BPI: variants seen among roughly 807,000 people sequenced by gnomAD.
The protein encoded by BPI is bactericidal permeability increasing protein.
A neutral mutation model predicts 57.6 loss-of-function variants in BPI; 48 were observed. The ratio of observed to expected loss-of-function variants is 0.83; its 90% CI spans 0.66 to 1.06. The LOEUF (loss-of-function observed/expected upper bound fraction) is 1.06. BPI is among the 50% of genes least tolerant of loss of function. The probability of loss-of-function intolerance (pLI) is 0.00; values close to 1 mark genes in which losing one functional copy is unlikely to be tolerated. For synonymous variants in BPI, 237 were observed against 238.2 expected, an observed-to-expected ratio of 0.99 and a Z score of 0.05; for missense variants, 651 against 609.7, an observed-to-expected ratio of 1.07 and a Z score of -0.71.
chr20:38,320,227 G>C lies in BPI; in HGVS notation c.709G>C (p.Val237Leu). 1 of 1,614,056 alleles carries C rather than the reference G, an allele frequency of 6.2e-7. No homozygotes were observed. The highest frequency in any genetic ancestry group is 8.5e-7 in the Non-Finnish European group (1 of 1,180,002). Residue 237 changes from valine to leucine, a missense_variant, in exon 7 of 15, where the codon GTG (valine) becomes CTG (leucine). Physicochemically the swap from Val to Leu is conservative, Grantham distance 32 (BLOSUM62 1). Coordinates refer to ENST00000642449, the MANE Select transcript of BPI (RefSeq NM_001725.3). The part of the protein sequence containing the change: ...DSVAGINYGL[V>L]APPATTAETL... The stretch of plus-strand genomic sequence containing the variant: ...TGTGGCTGGAATCAACTATGGTCTG[G>C]TGGCACCTCCAGCAACCACGGCTGA...
chr20:38,323,371 C>A (rs889329765), intron 7 of BPI, among the ~76,000 whole-genome samples: 1 of 152,144 alleles, frequency 6.6e-6, no homozygotes, highest in African/African-American at 2.4e-5. Flanking sequence ...GTGCTCTCAC[C>A]AAACACTGGG....
chr20:38,328,846 A>C (rs961854201), intron 11 of BPI, among the ~76,000 whole-genome samples: 1 of 151,016 alleles, frequency 6.6e-6, no homozygotes, highest in Admixed American at 6.6e-5. Flanking sequence ...AAAAAAAAAA[A>C]ATTGTTTTAA....
intron 2 of BPI, among the ~76,000 whole-genome samples, chr20:38,308,122 C>G (rs2076605553): frequency 6.6e-6 from 1 of 152,136 alleles, no homozygotes; most frequent in African/African-American, 2.4e-5. Flanking sequence ...GGCAGTGTGT[C>G]CCCTCCAGAG....
chr20:38,307,748 A>G, intron 2 of BPI, 67 bp downstream of exon 2: 1 of 1,290,758 alleles, frequency 7.7e-7, no homozygotes, highest in Non-Finnish European at 1.1e-6. Context: ...ACCAAGAGCT[A>G]GAATGCAGAG....
At chr20:38,319,969 T>C (rs531567250) in intron 6 of BPI, 1 of 572,740 alleles carries the variant, frequency 1.7e-6, no homozygotes, top group Non-Finnish European at 3.1e-6. Context: ...CTCAGGGCTG[T>C]TGGAAGAAGA....
chr20:38,320,661 T>TACACATAC (rs2076676995), intron 7 of BPI, among the ~76,000 whole-genome samples: 1 of 130,818 alleles, frequency 7.6e-6, no homozygotes, highest in Non-Finnish European at 1.6e-5. Flanking sequence ...TTATTACCAA[T>TACACATAC]ACACACACAC....
chr20:38,327,479 G>A, intron 10 of BPI, 109 bp from the exon 11 acceptor site: 2 of 1,220,154 alleles, frequency 1.6e-6, no homozygotes, highest in East Asian at 2.6e-5. Context: ...TGACCCCACA[G>A]TGTATGCTGC....
At position 38,335,424 on chromosome 20, in the gene BPI, G is replaced by A; in HGVS notation, c.1337-174G>A. On this transcript the variant is annotated intron_variant, in intron 13 of 14. Transcript: ENST00000642449. The stretch of plus-strand genomic sequence containing the variant: ...CTTGGGGTTGATGGACAACAGGTGG[G>A]AGGTACGGACTCTGGGGCAGCCTTC... 1.6e-5 allele frequency: 10 copies of A among 623,488 alleles called. No homozygotes were observed. The South Asian group carries it at 1.7e-4, about 11-fold the overall frequency. The allele number at this position is 623,488 out of a possible 1,614,324, so 38.6% of individuals were successfully genotyped here. A position where few individuals can be genotyped will look rare whatever the true frequency, so the allele number is the denominator to read the frequency against.
intron 10 of BPI, 57 bp downstream of exon 10, chr20:38,326,489 T>C (rs887141344): frequency 2.2e-5 from 33 of 1,515,582 alleles, no homozygotes; most frequent in Non-Finnish European, 2.8e-5. Context: ...AACAGCACTG[T>C]CTTTGGAGTC....
At chr20:38,320,804 G>A (rs1461764648) in intron 7 of BPI, among the ~76,000 whole-genome samples, 1 of 146,060 alleles carries the variant, frequency 6.8e-6, no homozygotes, top group African/African-American at 2.5e-5. Context: ...CACATACTAG[G>A]TGCTCAATAA....
At chr20:38,311,069 G>A (rs1471528116) in intron 4 of BPI, among the ~76,000 whole-genome samples, 1 of 152,198 alleles carries the variant, frequency 6.6e-6, no homozygotes, top group Admixed American at 6.5e-5. Context: ...GCTAATATTG[G>A]TCAGAGGCTG....
chr20:38,329,857 T>G (rs1055047998), intron 11 of BPI, among the ~76,000 whole-genome samples: 8 of 151,864 alleles, frequency 5.3e-5, no homozygotes, highest in Admixed American at 2.6e-4. Flanking sequence ...GGACTACAGG[T>G]GCGCACCACC....
chr20:38,318,818 A>C (rs138773427), intron 6 of BPI, among the ~76,000 whole-genome samples: 1 of 152,256 alleles, frequency 6.6e-6, no homozygotes, highest in East Asian at 1.9e-4. Flanking sequence ...CATGTCCTTA[A>C]AATGGGGACA....
chr20:38,311,962 A>G (rs545068581), intron 5 of BPI, 25 bp downstream of exon 5: 36 of 1,610,578 alleles, frequency 2.2e-5, no homozygotes, highest in Non-Finnish European at 3.1e-5. Context: ...GAGCCCCATC[A>G]GCAAACAGAG....
rs368606486 is a variant in BPI at position 38,337,138 on chromosome 20, C to T, written c.1414-8C>T. On this transcript the variant is annotated splice_polypyrimidine_tract_variant and splice_region_variant and intron_variant, in intron 14 of 14. Coordinates refer to ENST00000642449, the MANE Select transcript of BPI (RefSeq NM_001725.3). ...TCAACTGGTGACAACATTCTCATCT[C>T]TCCCTAGAACTTCCTGCTGTTCGGT... 1.2e-6 allele frequency: 2 copies of T among 1,602,056 alleles called. No homozygotes were observed. The highest frequency in any genetic ancestry group is 1.7e-6 in the Non-Finnish European group (2 of 1,175,178).
chr20:38,322,701 C>T (rs2076692614), intron 7 of BPI, among the ~76,000 whole-genome samples: 1 of 152,202 alleles, frequency 6.6e-6, no homozygotes, highest in Non-Finnish European at 1.5e-5. Flanking sequence ...ACCTCTGCCT[C>T]CCAGGTTCAG....
chr20:38,310,239 C>A (rs11698657), intron 3 of BPI, among the ~76,000 whole-genome samples: 2 of 152,202 alleles, frequency 1.3e-5, no homozygotes, highest in African/African-American at 2.4e-5. Context: ...GGCCACACAG[C>A]TAGGGCAGCA....
chr20:38,331,743 T>C (rs1481691179), intron 12 of BPI, among the ~76,000 whole-genome samples: 2 of 151,432 alleles, frequency 1.3e-5, no homozygotes, highest in Non-Finnish European at 2.9e-5. Flanking sequence ...CCTGGGAGTC[T>C]GAGGCAGGAG....
Position 38,307,664 on chromosome 20 carries a change from G to A in BPI, c.228G>A (p.Gly76=), listed in dbSNP as rs747378787. Residue 76 remains glycine (G), a synonymous_variant, in exon 2 of 15, where the codon GGG becomes GGA. Coordinates refer to ENST00000642449, the MANE Select transcript of BPI (RefSeq NM_001725.3). Reference sequence around the variant, plus strand: ...TTAAGATCAAGCATCTTGGGAAGGGGCATTATAGCTTCTACAGGTGAGGCC... The same window carrying A: ...TTAAGATCAAGCATCTTGGGAAGGGACATTATAGCTTCTACAGGTGAGGCC... ...DSFKIKHLGK[G]HYSFYSMDIR... The A allele has an allele frequency of 4.3e-6, 7 of 1,610,968 alleles. No homozygotes were observed. Among genetic ancestry groups the A allele is most frequent in the African/African-American group, 1.3e-5 (1 of 74,736 alleles).
Sources: gnomAD v4.1 joint callset for allele counts (sites outside exome capture counted in the v4.1 genomes callset) on GRCh38, gnomAD v4.1.1 for gene constraint, MANE v1.5 for transcripts, NCBI Gene and HGNC (gene_info 2026-07-23, HGNC 2026-07-21) for gene names.